OTUD7A: variants seen among roughly 807,000 people sequenced by gnomAD.
OTUD7A encodes the protein OTU domain-containing protein 7A.
OTUD7A carries 12 observed loss-of-function variants against 65.7 expected under a neutral mutation model. That is an observed-to-expected ratio of 0.18 (90% CI 0.12 to 0.30). The LOEUF is 0.30. OTUD7A is among the 10% of genes least tolerant of loss of function. The pLI is 1.00. For missense variants in OTUD7A, 1,148 were observed against 1,304.8 expected, an observed-to-expected ratio of 0.88 and a Z score of 1.85; for synonymous variants, 641 against 586.3, an observed-to-expected ratio of 1.09 and a Z score of -1.35.
intron 5 of OTUD7A, chr15:31,556,974 C>T (rs796350217): frequency 1.6e-4 from 25 of 152,326 alleles, no homozygotes; most frequent in African/African-American, 6.0e-4. Context: ...TGAGGTAAGA[C>T]AGAGCAAGGC....
chr15:31,848,874 C>T (rs1387328520), intron 1 of OTUD7A, among the ~76,000 whole-genome samples: 2 of 152,162 alleles, frequency 1.3e-5, no homozygotes, highest in Non-Finnish European at 2.9e-5. Context: ...CCAGTTGCTG[C>T]CCTGTCCTTT....
intron 10 of OTUD7A, among the ~76,000 whole-genome samples, chr15:31,491,204 T>A (rs2041314032): frequency 6.6e-6 from 1 of 151,428 alleles, no homozygotes; most frequent in African/African-American, 2.4e-5. Context: ...ACACAGGTGT[T>A]GAAACTATCA....
chr15:31,548,468 C>T (rs750899793), intron 5 of OTUD7A, among the ~76,000 whole-genome samples: 13 of 152,074 alleles, frequency 8.5e-5, no homozygotes, highest in Non-Finnish European at 1.0e-4. Flanking sequence ...CAGTTCCCAA[C>T]GCTCTGAGCT....
At chr15:31,529,603 T>G (rs1220150342) in intron 6 of OTUD7A, among the ~76,000 whole-genome samples, 1 of 152,232 alleles carries the variant, frequency 6.6e-6, no homozygotes, top group Non-Finnish European at 1.5e-5. Context: ...GCCTTGCCTT[T>G]CCTCACTGCA....
intron 3 of OTUD7A, among the ~76,000 whole-genome samples, chr15:31,610,605 A>ATTTT (rs1472216504): frequency 1.3e-4 from 5 of 38,678 alleles, no homozygotes; most frequent in Non-Finnish European, 1.4e-4. Flanking sequence ...ATATATATAT[A>ATTTT]TATATATATA....
At chr15:31,800,987 A>G (rs1327833788) in intron 1 of OTUD7A, among the ~76,000 whole-genome samples, 2 of 151,868 alleles carry the variant, frequency 1.3e-5, no homozygotes, top group African/African-American at 2.4e-5. Context: ...CAAACAAACA[A>G]AGCAGGAAAC....
At chr15:31,698,976 G>C (rs1893147699) in intron 1 of OTUD7A, among the ~76,000 whole-genome samples, 1 of 152,060 alleles carries the variant, frequency 6.6e-6, no homozygotes, top group Non-Finnish European at 1.5e-5. Flanking sequence ...CATTCGTAGA[G>C]GGATGTGCTA....
At chr15:31,807,268 C>G (rs560593539) in intron 1 of OTUD7A, among the ~76,000 whole-genome samples, 1 of 152,118 alleles carries the variant, frequency 6.6e-6, no homozygotes, top group Non-Finnish European at 1.5e-5. Flanking sequence ...CTAGATCTCC[C>G]CATTGCTGAG....
intron 1 of OTUD7A, among the ~76,000 whole-genome samples, chr15:31,685,422 G>C (rs1410070362): frequency 6.6e-6 from 1 of 151,986 alleles, no homozygotes; most frequent in African/African-American, 2.4e-5. Flanking sequence ...AAGGCGGGTG[G>C]ATCATGACGT....
chr15:31,853,783 T>A (rs1897490690), intron 1 of OTUD7A, among the ~76,000 whole-genome samples: 2 of 152,222 alleles, frequency 1.3e-5, no homozygotes, highest in Non-Finnish European at 2.9e-5. Context: ...ACCACAAACT[T>A]GAATCCAGTG....
intron 1 of OTUD7A, among the ~76,000 whole-genome samples, chr15:31,862,657 A>G (rs1466407788): frequency 8.2e-6 from 1 of 122,220 alleles, no homozygotes; most frequent in African/African-American, 2.5e-5. Flanking sequence ...CTGTGATTCA[A>G]TAACCTCCCC....
intron 10 of OTUD7A, among the ~76,000 whole-genome samples, chr15:31,497,385 G>C (rs1361107621): frequency 6.6e-6 from 1 of 152,020 alleles, no homozygotes; most frequent in African/African-American, 2.4e-5. Context: ...GAGTAGCTGG[G>C]ATTACAGGCA....
intron 1 of OTUD7A, among the ~76,000 whole-genome samples, chr15:31,709,767 T>C (rs1428354036): frequency 6.6e-6 from 1 of 152,094 alleles, no homozygotes. Context: ...ACTGTGCAGC[T>C]GCCTTAAAAA....
At chr15:31,640,990 T>C (rs551242686) in intron 3 of OTUD7A, among the ~76,000 whole-genome samples, 11 of 152,258 alleles carry the variant, frequency 7.2e-5, no homozygotes, top group African/African-American at 2.6e-4. Flanking sequence ...ATATCAGGTA[T>C]TGTCAGACTT....
intron 1 of OTUD7A, among the ~76,000 whole-genome samples, chr15:31,709,829 CACAT>C (rs1474029448): frequency 2.0e-5 from 3 of 152,106 alleles, no homozygotes; most frequent in African/African-American, 7.2e-5. Context: ...TATATACACA[CACAT>C]ACATTATACA....
At chr15:31,756,855 T>TC (rs1894829819) in intron 1 of OTUD7A, among the ~76,000 whole-genome samples, 2 of 152,162 alleles carry the variant, frequency 1.3e-5, no homozygotes, top group Non-Finnish European at 2.9e-5. Context: ...TCAGCATCCC[T>TC]CTTGCTTCTA....
intron 1 of OTUD7A, among the ~76,000 whole-genome samples, chr15:31,778,430 G>C (rs1007948481): frequency 3.3e-5 from 5 of 152,198 alleles, no homozygotes; most frequent in African/African-American, 7.2e-5. Flanking sequence ...ATATCCAAAG[G>C]AAAGAGAGAT....
intron 1 of OTUD7A, among the ~76,000 whole-genome samples, chr15:31,682,852 T>A (rs1208555395): frequency 6.6e-6 from 1 of 152,094 alleles, no homozygotes; most frequent in Admixed American, 6.5e-5. Context: ...TTATGTTGAG[T>A]GTGTGTGAAT....
chr15:31,723,389 ACGC>A (rs1893798418), intron 1 of OTUD7A, among the ~76,000 whole-genome samples: 1 of 14,094 alleles, frequency 7.1e-5, no homozygotes, highest in African/African-American at 3.5e-4. Flanking sequence ...CCCGCACCGC[ACGC>A]CACCCCCCCC....
Sources: allele counts gnomAD v4.1 joint callset (sites outside exome capture counted in the v4.1 genomes callset), GRCh38; gene constraint gnomAD v4.1.1; transcripts MANE v1.5; gene names NCBI Gene and HGNC (gene_info 2026-07-23, HGNC 2026-07-21).